The following PCDHA9 variants were observed in gnomAD, a reference collection of about 807,000 sequenced individuals.
PCDHA9 encodes protocadherin alpha-9.
In PCDHA9, 62 loss-of-function variants were observed where a neutral mutation model predicts 62.0. The observed-to-expected ratio is 1.00, with a 90% CI of 0.81 to 1.23. PCDHA9 has a LOEUF of 1.23. PCDHA9 is among the 50% of genes most tolerant of loss of function. The probability of loss-of-function intolerance (pLI) is 0.00; values close to 1 mark genes in which losing one functional copy is unlikely to be tolerated. For missense variants in PCDHA9, 1,205 were observed against 1,249.8 expected, an observed-to-expected ratio of 0.96 and a Z score of 0.54; for synonymous variants, 557 against 567.6, an observed-to-expected ratio of 0.98 and a Z score of 0.27.
intron 1 of PCDHA9, among the ~76,000 whole-genome samples, chr5:140,924,896 AAAAAAAAAATAAAATAAAAT>A (rs1488372568): frequency 0.024 from 1,693 of 69,132 alleles, 31 homozygotes; most frequent in African/African-American, 0.08. Context: ...ACCTGTCTCA[AAAAAAAAAATAAAATAAAAT>A]AAAATAAAAT....
chr5:140,909,711 A>G (rs1473634057), intron 1 of PCDHA9, among the ~76,000 whole-genome samples: 1 of 152,122 alleles, frequency 6.6e-6, no homozygotes, highest in Non-Finnish European at 1.5e-5. Context: ...TGCTAAGTAT[A>G]CCTATGCCAA....
chr5:140,925,641 TATA>T (rs10569930), intron 1 of PCDHA9, among the ~76,000 whole-genome samples: 13,718 of 143,270 alleles, frequency 0.096, 957 homozygotes, highest in East Asian at 0.35. Context: ...GAACTTAAAG[TATA>T]ATAATAATAA....
At chr5:140,974,165 G>A (rs1298109600) in intron 1 of PCDHA9, among the ~76,000 whole-genome samples, 1 of 152,164 alleles carries the variant, frequency 6.6e-6, no homozygotes, top group Admixed American at 6.5e-5. Flanking sequence ...TTTCTTTCAA[G>A]AATTTTAACT....
At chr5:140,983,720 T>G (rs1563510266) in intron 3 of PCDHA9, among the ~76,000 whole-genome samples, 1 of 152,228 alleles carries the variant, frequency 6.6e-6, no homozygotes, top group Non-Finnish European at 1.5e-5. Context: ...AGCACTTATA[T>G]TCATAACATG....
At chr5:140,882,259 G>A (rs1554173247) in intron 1 of PCDHA9, 1 of 1,603,126 alleles carries the variant, frequency 6.2e-7, no homozygotes, top group Non-Finnish European at 8.5e-7. Flanking sequence ...TGAGGTTTTT[G>A]GAGTGTACCA....
chr5:140,869,318 G>A (rs1373742506), intron 1 of PCDHA9: 1 of 1,613,688 alleles, frequency 6.2e-7, no homozygotes, highest in South Asian at 1.1e-5. Flanking sequence ...AAAACACATG[G>A]GGACCTTCTG....
At chr5:141,001,509 G>A (rs1025738776) in intron 3 of PCDHA9, among the ~76,000 whole-genome samples, 3 of 152,212 alleles carry the variant, frequency 2.0e-5, no homozygotes, top group Non-Finnish European at 4.4e-5. Context: ...GGTGGGCTTA[G>A]CTTTCTCCCT....
chr5:140,882,120 C>G, intron 1 of PCDHA9: 4 of 1,448,936 alleles, frequency 2.8e-6, no homozygotes. Flanking sequence ...GCCGCCGTTT[C>G]TTTCTTCCTG....
At chr5:140,881,377 G>A (rs557722479) in intron 1 of PCDHA9, 222 of 984,702 alleles carry the variant, frequency 2.3e-4, no homozygotes, top group Non-Finnish European at 2.4e-4. Flanking sequence ...AATTGCAGCC[G>A]GCGGCGGTAA....
At chr5:140,861,557 G>A in intron 1 of PCDHA9, 1 of 398,292 alleles carries the variant, frequency 2.5e-6, no homozygotes, top group Non-Finnish European at 5.2e-6. Context: ...AAGTGATCGT[G>A]GACAAGCTGC....
chr5:140,942,197 T>C (rs2093245078), intron 1 of PCDHA9, among the ~76,000 whole-genome samples: 1 of 152,170 alleles, frequency 6.6e-6, no homozygotes, highest in African/African-American at 2.4e-5. Context: ...TAAAATACAT[T>C]TTTGAGCATA....
intron 1 of PCDHA9, chr5:140,875,861 C>T (rs2055878739): frequency 6.2e-7 from 1 of 1,614,020 alleles, no homozygotes; most frequent in Non-Finnish European, 8.5e-7. Context: ...AACGACAACC[C>T]GCCGGTGTTC....
intron 1 of PCDHA9, among the ~76,000 whole-genome samples, chr5:140,940,100 C>T (rs536415343): frequency 6.6e-6 from 1 of 152,094 alleles, no homozygotes; most frequent in South Asian, 2.1e-4. Flanking sequence ...AAACTTTTAG[C>T]GTTATGTATT....
chr5:140,954,610 A>T (rs1464657596), intron 1 of PCDHA9, among the ~76,000 whole-genome samples: 1 of 151,962 alleles, frequency 6.6e-6, no homozygotes, highest in East Asian at 1.9e-4. Flanking sequence ...CCACTTTTTA[A>T]TGGGCTTGTT....
At chr5:140,941,210 TC>T (rs2092849552) in intron 1 of PCDHA9, among the ~76,000 whole-genome samples, 1 of 100,630 alleles carries the variant, frequency 9.9e-6, no homozygotes, top group African/African-American at 5.4e-5. Flanking sequence ...TTCCTTTCTT[TC>T]TTCCTTTCTT....
chr5:140,900,882 A>G (rs1453854297), intron 1 of PCDHA9, among the ~76,000 whole-genome samples: 1 of 152,044 alleles, frequency 6.6e-6, no homozygotes, highest in African/African-American at 2.4e-5. Flanking sequence ...ATTGCCTGTC[A>G]TTTGGATAAA....
chr5:140,876,524 T>C (rs2056397184), intron 1 of PCDHA9: 1 of 1,614,018 alleles, frequency 6.2e-7, no homozygotes, highest in African/African-American at 1.3e-5. Flanking sequence ...CCTGAAGTAA[T>C]GGTTACTTCA....
At chr5:140,884,247 C>G (rs1554181368) in intron 1 of PCDHA9, 5 of 1,613,398 alleles carry the variant, frequency 3.1e-6, no homozygotes, top group Non-Finnish European at 4.2e-6. Flanking sequence ...CCCGCGCTGA[C>G]GGCCACGGCA....
At chr5:140,882,016 A>C (rs1403488174) in intron 1 of PCDHA9, 1 of 543,846 alleles carries the variant, frequency 1.8e-6, no homozygotes, top group Non-Finnish European at 3.0e-6. Flanking sequence ...AAAAAATACT[A>C]CATCAATGGA....
Sources: allele counts gnomAD v4.1 joint callset (sites outside exome capture counted in the v4.1 genomes callset), GRCh38; gene constraint gnomAD v4.1.1; transcripts MANE v1.5; gene names NCBI Gene and HGNC (gene_info 2026-07-23, HGNC 2026-07-21).